Variants in TYW1B observed in about 807,000 individuals in gnomAD.
TYW1B encodes the protein S-adenosyl-L-methionine-dependent tRNA 4-demethylwyosine synthase TYW1B.
A neutral mutation model predicts 86.9 loss-of-function variants in TYW1B; 73 were observed. The ratio of observed to expected loss-of-function variants is 0.84; its 90% CI spans 0.70 to 1.02. The LOEUF (loss-of-function observed/expected upper bound fraction) is 1.02, where lower values mean the gene tolerates loss of function less well. Among genes scored for constraint, TYW1B ranks in the 50% least tolerant of loss-of-function variants. The pLI is 0.00. For missense variants in TYW1B, 637 were observed against 827.4 expected (o/e 0.77, Z 2.82); for synonymous variants, 248 against 292.8 (o/e 0.85, Z 1.56).
intron 13 of TYW1B, among the ~76,000 whole-genome samples, chr7:72,615,129 C>T (rs1812038332): frequency 6.6e-6 from 1 of 152,230 alleles, no homozygotes; most frequent in Non-Finnish European, 1.5e-5. Context: ...GTGTCCAGAA[C>T]TCAGCAGGCA....
At chr7:72,685,768 C>A (rs1233512803) in intron 11 of TYW1B, among the ~76,000 whole-genome samples, 2 of 152,050 alleles carry the variant, frequency 1.3e-5, no homozygotes, top group African/African-American at 4.8e-5. Context: ...TTTTAGATAG[C>A]AAACCAAAGG....
Position 72,728,919 on chromosome 7 carries a change from G to A in TYW1B, c.1095C>T (p.Asn365=). The A allele has an allele frequency of 1.2e-6, 2 of 1,613,848 alleles. No individual in the cohort carries two copies. Among genetic ancestry groups the A allele is most frequent in the Non-Finnish European group, 1.7e-6 (2 of 1,179,874 alleles). ...KCVFCWWHHN[N]PVGTEWLWKM... ...TCCACAACCATTCAGTGCCCACAGG[G>A]TTGTTGTGGTGCCTAGGAACAAGAC... The change falls in exon 9 of 14, where the codon AAC becomes AAT. Residue 365 remains asparagine, a synonymous_variant. Transcript: ENST00000620995.
intron 5 of TYW1B, among the ~76,000 whole-genome samples, chr7:72,803,207 T>C (rs1165880975): frequency 1.3e-5 from 2 of 152,034 alleles, no homozygotes; most frequent in African/African-American, 4.8e-5. Flanking sequence ...CCCTCATCTC[T>C]ACAAAAACAA....
intron 13 of TYW1B, among the ~76,000 whole-genome samples, chr7:72,582,263 A>C (rs868916773): frequency 2.6e-5 from 4 of 152,320 alleles, no homozygotes; most frequent in African/African-American, 9.6e-5. Flanking sequence ...CAATGGATAA[A>C]ACCAGACACA....
intron 8 of TYW1B, among the ~76,000 whole-genome samples, chr7:72,737,900 G>A (rs1392514487): frequency 7.2e-6 from 1 of 138,718 alleles, no homozygotes; most frequent in African/African-American, 2.7e-5. Flanking sequence ...TCAGCCTCCT[G>A]AGTAGCTGGG....
At chr7:72,608,948 C>T (rs1189288873) in intron 13 of TYW1B, among the ~76,000 whole-genome samples, 3 of 152,176 alleles carry the variant, frequency 2.0e-5, no homozygotes, top group Non-Finnish European at 2.9e-5. Flanking sequence ...CGGCACAGAA[C>T]TAAACACACA....
chr7:72,636,506 T>A (rs1272432406), intron 11 of TYW1B, among the ~76,000 whole-genome samples: 2 of 152,226 alleles, frequency 1.3e-5, no homozygotes, highest in Non-Finnish European at 2.9e-5. Flanking sequence ...GGTATGCTTG[T>A]CTTATTCTGC....
chr7:72,729,029 C>T, intron 8 of TYW1B, 98 bp from the exon 9 acceptor site: 1 of 1,172,330 alleles, frequency 8.5e-7, no homozygotes, highest in Non-Finnish European at 1.2e-6. Flanking sequence ...ATCACAAAAT[C>T]AGGACTGGTT....
At chr7:72,816,558 G>C (rs782752984) in intron 2 of TYW1B, among the ~76,000 whole-genome samples, 1 of 152,126 alleles carries the variant, frequency 6.6e-6, no homozygotes, top group Non-Finnish European at 1.5e-5. Flanking sequence ...TCTTTTGTAC[G>C]CTAATGAGAT....
rs576003972 is a variant in TYW1B, at chr7:72,635,038, CT to C, written c.1507-6042del. ...TCTTTCATATTAGTGTTTCTTATGT[CT>C]CTTTAAAGGATCATTCCATGCTATC... On this transcript the variant is annotated intron_variant, in intron 11 of 13. Transcript: ENST00000620995. Among the ~76,000 whole-genome samples, 10 of 152,138 alleles carry C rather than the reference CT, an allele frequency of 6.6e-5. No homozygotes were observed. The South Asian group carries it at 2.1e-3, about 32-fold the overall frequency.
chr7:72,818,340 G>A (rs1346881520), intron 2 of TYW1B, among the ~76,000 whole-genome samples: 1 of 151,908 alleles, frequency 6.6e-6, no homozygotes, highest in Non-Finnish European at 1.5e-5. Flanking sequence ...CCAGCACTTT[G>A]GGAGGCTGAG....
At chr7:72,809,482 C>T (rs1788560346) in intron 4 of TYW1B, among the ~76,000 whole-genome samples, 1 of 151,872 alleles carries the variant, frequency 6.6e-6, no homozygotes, top group South Asian at 2.1e-4. Flanking sequence ...GTGAGACCCT[C>T]ATCTCTAAAA....
chr7:72,816,829 G>T (rs190858074), intron 2 of TYW1B, among the ~76,000 whole-genome samples: 1 of 152,152 alleles, frequency 6.6e-6, no homozygotes. Flanking sequence ...GAGAAGACAC[G>T]GCCAGAAACG....
chr7:72,628,658 C>G (rs535535569), intron 12 of TYW1B, among the ~76,000 whole-genome samples: 1,905 of 152,150 alleles, frequency 0.013, 41 homozygotes, highest in African/African-American at 0.041. Context: ...TCCATCCTCC[C>G]ACTAAAATAC....
At chr7:72,639,538 A>C (rs1812752898) in intron 11 of TYW1B, among the ~76,000 whole-genome samples, 1 of 152,132 alleles carries the variant, frequency 6.6e-6, no homozygotes, top group Admixed American at 6.5e-5. Context: ...ATTTGTGGTT[A>C]AATCATGAAT....
intron 7 of TYW1B, among the ~76,000 whole-genome samples, chr7:72,770,337 G>A (rs1202105139): frequency 2.7e-5 from 4 of 145,480 alleles, no homozygotes; most frequent in Non-Finnish European, 4.5e-5. Flanking sequence ...GCTGAGGCAG[G>A]AGAATCACTT....
chr7:72,632,393 T>TAAA (rs1563038727), intron 11 of TYW1B, among the ~76,000 whole-genome samples: 2 of 102,634 alleles, frequency 1.9e-5, no homozygotes, highest in African/African-American at 1.0e-4. Context: ...TATACGTATA[T>TAAA]ATATATAATA....
chr7:72,822,259 C>A (rs781932961), intron 2 of TYW1B, among the ~76,000 whole-genome samples: 1 of 148,278 alleles, frequency 6.7e-6, no homozygotes, highest in Non-Finnish European at 1.5e-5. Context: ...ACACAGAAGA[C>A]GATCCAAAAG....
chr7:72,740,028 T>C (rs1446830083), intron 8 of TYW1B, among the ~76,000 whole-genome samples: 3 of 148,228 alleles, frequency 2.0e-5, no homozygotes, highest in Admixed American at 6.8e-5. Flanking sequence ...GGCCAGGAGT[T>C]CGAGACCAGT....
Sources: gnomAD v4.1 joint callset for allele counts (sites outside exome capture counted in the v4.1 genomes callset) on GRCh38, gnomAD v4.1.1 for gene constraint, MANE v1.5 for transcripts, NCBI Gene and HGNC (gene_info 2026-07-23, HGNC 2026-07-21) for gene names.